DOC2A: variants seen among roughly 807,000 people sequenced by gnomAD.
DOC2A encodes the protein double C2-like domain-containing protein alpha.
Under a neutral mutation model 40.6 loss-of-function variants are expected in DOC2A, and 28 were observed. The observed-to-expected ratio is 0.69, with a 90% confidence interval of 0.51 to 0.95. The LOEUF is 0.95. DOC2A is among the 40% of genes least tolerant of loss of function. DOC2A has a pLI of 0.00. For missense variants in DOC2A, 474 were observed against 552.5 expected, an observed-to-expected ratio of 0.86 and a Z score of 1.42; for synonymous variants, 241 against 236.9, an observed-to-expected ratio of 1.02 and a Z score of -0.16.
upstream of DOC2A, among the ~76,000 whole-genome samples, chr16:30,022,444 G>T (rs1403680715): frequency 6.6e-6 from 1 of 151,942 alleles, no homozygotes; most frequent in African/African-American, 2.4e-5. Flanking sequence ...GCCGAAGCTG[G>T]AGGATCACCT....
intron 1 of DOC2A, among the ~76,000 whole-genome samples, chr16:30,017,914 C>T (rs1347237420): frequency 1.4e-5 from 2 of 148,092 alleles, no homozygotes; most frequent in African/African-American, 5.0e-5. Context: ...GAGCTGAGAT[C>T]GTGCCACTGC....
chr16:30,009,940 C>A lies in DOC2A; in HGVS notation c.262+21G>T, dbSNP rs2070728973. 1.2e-6 allele frequency: 2 copies of A among 1,609,078 alleles called. No individual in the cohort carries two copies. Among genetic ancestry groups the A allele is most frequent in the Non-Finnish European group, 8.5e-7 (1 of 1,179,506 alleles). ...TGGAGACCCCCACCAGCACATGGGG[C>A]CTCCAAGCCCCCAGACTCACTGGCA... On this transcript the variant is annotated intron_variant, in intron 2 of 10. Coordinates refer to ENST00000350119, the MANE Select transcript of DOC2A (RefSeq NM_003586.3). The surrounding 1 kb of genome is among the most constrained non-coding windows in gnomAD (Gnocchi z 4.1).
chr16:30,010,335 C>G lies in DOC2A; in HGVS notation c.-13-100G>C. 1.3e-6 allele frequency: 2 copies of G among 1,515,084 alleles called. No individual in the cohort carries two copies. The highest frequency in any genetic ancestry group is 1.8e-6 in the Non-Finnish European group (2 of 1,105,080). The allele number at this position is 1,515,084 out of a possible 1,614,324, so 93.9% of individuals were successfully genotyped here. The stretch of plus-strand genomic sequence containing the variant: ...CGGTCTGTGGGGCCCTCACTGGCCT[C>G]CCTTCCTAGGTGTCGAGGGAGAGGG... On this transcript the variant is annotated intron_variant, in intron 1 of 10. Coordinates refer to ENST00000350119, the MANE Select transcript of DOC2A (RefSeq NM_003586.3). The surrounding 1 kb of genome is among the most constrained non-coding windows in gnomAD (Gnocchi z 4.2).
In DOC2A at chr16:30,006,054, G is replaced by A; in HGVS notation, c.*132C>T. ...GCCCCTCATGAGCAGACAGACCCGG[G>A]TCACGGAGACTCACAAAAATAGGTA... On this transcript the variant is annotated 3_prime_UTR_variant, in exon 11 of 11. Transcript: ENST00000350119. This position sits in a 1 kb window ranked among gnomAD's most constrained non-coding sequence, Gnocchi z 6.2. 1 of 1,058,124 alleles carries A rather than the reference G, an allele frequency of 9.5e-7. No individual in the cohort carries two copies. The highest frequency in any genetic ancestry group is 1.3e-6 in the Non-Finnish European group (1 of 750,950). The allele number at this position is 1,058,124 out of a possible 1,614,324, so 65.5% of individuals were successfully genotyped here.
upstream of DOC2A, among the ~76,000 whole-genome samples, chr16:30,015,559 C>T (rs1354266824): frequency 6.6e-5 from 10 of 152,004 alleles, no homozygotes; most frequent in African/African-American, 2.4e-4. Context: ...TCAGGTGATC[C>T]GCCTGCCTCG....
In DOC2A at chr16:30,009,209, G is replaced by T. The variant is rs1215237040; in HGVS notation, c.410C>A (p.Ala137Asp). 1 of 1,592,340 alleles carries T rather than the reference G, an allele frequency of 6.3e-7. No homozygotes were observed. Among genetic ancestry groups the T allele is most frequent in the Non-Finnish European group, 8.6e-7 (1 of 1,168,236 alleles). ...PYVKLHLLPG[A>D]CKANKLKTKT... ...GCGAGAGGAGGCTGTTACCTTACAGGCTCCAGGCAGCAAGTGCAGCTTGAC... is the reference window on the plus strand; with the variant it reads ...GCGAGAGGAGGCTGTTACCTTACAGTCTCCAGGCAGCAAGTGCAGCTTGAC... Residue 137 changes from alanine (A) to aspartate (D), a missense_variant, in exon 4 of 11, where the codon GCC becomes GAC. Physicochemically the swap from Ala to Asp is moderately radical, Grantham distance 126. Transcript: ENST00000350119. The surrounding 1 kb of genome is among the most constrained non-coding windows in gnomAD (Gnocchi z 4.1).
At chr16:30,019,178 TGTG>T (rs1255886093) in intron 1 of DOC2A, among the ~76,000 whole-genome samples, 1 of 151,740 alleles carries the variant, frequency 6.6e-6, no homozygotes, top group African/African-American at 2.4e-5. Flanking sequence ...ATTAGCTGGG[TGTG>T]GTGGTGGGTG....
At position 30,008,988 on chromosome 16, in the gene DOC2A, G is replaced by A. The variant is rs1567281458; in HGVS notation, c.527+8C>T. ...CTGCTGCTGGGTGGTGGGGAGGGGG[G>A]CCCTCACCTGAGCACCTTGTGCGTG... On this transcript the variant is annotated splice_region_variant and intron_variant, in intron 5 of 10. Transcript: ENST00000350119. The A allele has an allele frequency of 1.3e-6, 2 of 1,594,856 alleles. No homozygotes were observed. The highest frequency in any genetic ancestry group is 2.2e-5 in the South Asian group (2 of 90,654).
chr16:30,006,873 G>A lies in DOC2A; in HGVS notation c.790C>T (p.Arg264Trp), dbSNP rs1411105634. 5.0e-6 allele frequency: 8 copies of A among 1,613,390 alleles called. No homozygotes were observed. The highest frequency in any genetic ancestry group is 6.8e-6 in the Non-Finnish European group (8 of 1,179,704). ...RILLSLSYSS[R>W]RRGLLVGILR... ...ATGCCTACCAGCAGTCCCCGGCGCCGCGAGCTGTAGCTGAGACTCAGCAGG... is the reference window on the plus strand; with the variant it reads ...ATGCCTACCAGCAGTCCCCGGCGCCACGAGCTGTAGCTGAGACTCAGCAGG... The change falls in exon 8 of 11, where the codon CGG becomes TGG. Residue 264 changes from arginine (R) to tryptophan (W), a missense_variant. Arg to Trp is a moderately radical substitution (Grantham distance 101). Transcript: ENST00000350119. The surrounding 1 kb of genome is among the most constrained non-coding windows in gnomAD (Gnocchi z 6.2).
intron 1 of DOC2A, among the ~76,000 whole-genome samples, chr16:30,019,419 A>G (rs754286831): frequency 5.9e-5 from 9 of 152,138 alleles, no homozygotes; most frequent in Non-Finnish European, 1.3e-4. Flanking sequence ...ATGCGCATCT[A>G]TGAGTTCTCT....
Position 30,005,981 on chromosome 16 carries a change from C to T in DOC2A, c.*205G>A. 1 of 634,072 alleles carries T rather than the reference C, an allele frequency of 1.6e-6. No individual in the cohort carries two copies. Among genetic ancestry groups the T allele is most frequent in the Non-Finnish European group, 2.7e-6 (1 of 370,286 alleles). 39.3% of individuals were successfully genotyped at this position (634,072 alleles called of 1,614,324 possible). ...TGGGGGGTTTGCATATTTGCAGGGA[C>T]TAGCGAGTCAGGCAGGAGGTTTGCA... On this transcript the variant is annotated 3_prime_UTR_variant, in exon 11 of 11. Transcript: ENST00000350119.
chr16:30,017,832 C>T (rs1403931765), intron 1 of DOC2A, among the ~76,000 whole-genome samples: 4 of 151,616 alleles, frequency 2.6e-5, no homozygotes, highest in Admixed American at 6.6e-5. Flanking sequence ...TGGTGGCATG[C>T]GTCTGTAATC....
chr16:30,005,653 GTTAT>G lies in DOC2A; in HGVS notation c.*529_*532del, dbSNP rs1413446292. The G allele has an allele frequency of 6.8e-6, 4 of 584,488 alleles. No homozygotes were observed. In the African/African-American group the frequency reaches 7.7e-5, roughly 11 times the overall value. The allele number at this position is 584,488 out of a possible 1,614,324, so 36.2% of individuals were successfully genotyped here. A position where few individuals can be genotyped will look rare whatever the true frequency, so the allele number is the denominator to read the frequency against. ...AAACCCCGGCCCCCTCCAGGGGACAGTTATTTAAACGAGTGGCCGGGAGCATCTG... is the reference window on the plus strand; with the variant it reads ...AAACCCCGGCCCCCTCCAGGGGACAGTTAAACGAGTGGCCGGGAGCATCTG... On this transcript the variant is annotated 3_prime_UTR_variant, in exon 11 of 11. Transcript: ENST00000350119.
chr16:30,010,090 C>T lies in DOC2A; in HGVS notation c.133G>A (p.Gly45Ser), dbSNP rs773327302. ...YFPRGPGPEG[G>S]GGGGGEAPAH... ...GGGGCCTCCCCGCCGCCCCCGCCGC[C>T]CCCTTCAGGTCCTGGTCCCCGGGGG... is the stretch of plus-strand genomic sequence containing the variant. Residue 45 changes from glycine (G) to serine (S), a missense_variant, in exon 2 of 11, where the codon GGC becomes AGC. Coordinates refer to ENST00000350119, the MANE Select transcript of DOC2A (RefSeq NM_003586.3). This position sits in a 1 kb window ranked among gnomAD's most constrained non-coding sequence, Gnocchi z 4.2. The T allele has an allele frequency of 1.9e-6, 3 of 1,612,792 alleles. No individual in the cohort carries two copies. The highest frequency in any genetic ancestry group is 8.5e-7 in the Non-Finnish European group (1 of 1,179,350).
rs1216613508 is a variant in DOC2A at position 30,010,937 on chromosome 16, A to G, written c.-48T>C. 1 of 1,009,576 alleles carries G rather than the reference A, an allele frequency of 9.9e-7. No homozygotes were observed. The highest frequency in any genetic ancestry group is 1.2e-6 in the Non-Finnish European group (1 of 844,430). 62.5% of individuals were successfully genotyped at this position (1,009,576 alleles called of 1,614,324 possible). ...CAACAGGTGCCCAGGCACTGGGGGG[A>G]CGGCGGGCGCAGGCTGGGCGGCGGC... On this transcript the variant is annotated 5_prime_UTR_variant, in exon 1 of 11. Coordinates refer to ENST00000350119, the MANE Select transcript of DOC2A (RefSeq NM_003586.3). This position sits in a 1 kb window ranked among gnomAD's most constrained non-coding sequence, Gnocchi z 4.2.
Position 30,006,234 on chromosome 16 carries a change from G to A in DOC2A, c.1155C>T (p.Thr385=), listed in dbSNP as rs1238922304. 1 of 1,593,166 alleles carries A rather than the reference G, an allele frequency of 6.3e-7. No homozygotes were observed. The highest frequency in any genetic ancestry group is 1.8e-5 in the Admixed American group (1 of 56,072). ...QPDAALERWH[T]LTSELPPAAG... ...CCGCAGGGGGCAGCTCACTGGTCAG[G>A]GTGTGCCAGCGCTCCAGGGCTGCGT... Residue 385 remains threonine, a synonymous_variant, in exon 11 of 11, where the codon ACC becomes ACT. Coordinates refer to ENST00000350119, the MANE Select transcript of DOC2A (RefSeq NM_003586.3). This position sits in a 1 kb window ranked among gnomAD's most constrained non-coding sequence, Gnocchi z 6.2.
chr16:30,006,164 G>C lies in DOC2A; in HGVS notation c.*22C>G, dbSNP rs765708344. ...GTACTGGACCCGGCTCGATGGGCCTGTGCCGGGACACTGCTGTCCACTCAG... is the reference window on the plus strand; with the variant it reads ...GTACTGGACCCGGCTCGATGGGCCTCTGCCGGGACACTGCTGTCCACTCAG... On this transcript the variant is annotated 3_prime_UTR_variant, in exon 11 of 11. Transcript: ENST00000350119. This position sits in a 1 kb window ranked among gnomAD's most constrained non-coding sequence, Gnocchi z 6.2. The C allele has an allele frequency of 7.7e-6, 12 of 1,564,314 alleles. 1 individual carries two copies. The South Asian group carries it at 1.4e-4, about 18-fold the overall frequency.
Position 30,009,993 on chromosome 16 carries a change from G to A in DOC2A, c.230C>T (p.Ala77Val), listed in dbSNP as rs546020288. The change falls in exon 2 of 11, where the codon GCG becomes GTG. Residue 77 changes from alanine to valine, a missense_variant. Coordinates refer to ENST00000350119, the MANE Select transcript of DOC2A (RefSeq NM_003586.3). This position sits in a 1 kb window ranked among gnomAD's most constrained non-coding sequence, Gnocchi z 4.1. ...ATCCGAGTCATAGCTGTCCACCTCC[G>A]CACCATCCTCAGGCGTGGTGGCCCC... ...LLGATTPEDGAEVDSYDSDDA... is the reference protein window; with the variant it reads ...LLGATTPEDGVEVDSYDSDDA... 526 of 1,611,788 alleles carry A rather than the reference G, an allele frequency of 3.3e-4. 8 individuals carry two copies. In the South Asian group the frequency reaches 5.5e-3, roughly 17 times the overall value.
rs375598910 is a variant in DOC2A, at chr16:30,006,684, G to T, written c.879-7C>A. ...CACATCGGGCCTCAGGTACCTGGGGGTGGGGTGGAGGGAGACGAACTGAGG... is the reference window on the plus strand; with the variant it reads ...CACATCGGGCCTCAGGTACCTGGGGTTGGGGTGGAGGGAGACGAACTGAGG... On this transcript the variant is annotated splice_region_variant and splice_polypyrimidine_tract_variant and intron_variant, in intron 8 of 10. Coordinates refer to ENST00000350119, the MANE Select transcript of DOC2A (RefSeq NM_003586.3). This position sits in a 1 kb window ranked among gnomAD's most constrained non-coding sequence, Gnocchi z 6.2. The T allele has an allele frequency of 1.9e-6, 3 of 1,613,662 alleles. No individual in the cohort carries two copies. The highest frequency in any genetic ancestry group is 2.5e-6 in the Non-Finnish European group (3 of 1,179,950).
Sources: allele counts gnomAD v4.1 joint callset (sites outside exome capture counted in the v4.1 genomes callset), GRCh38; gene constraint gnomAD v4.1.1; non-coding constraint Gnocchi (gnomAD v3.1); transcripts MANE v1.5; gene names NCBI Gene and HGNC (gene_info 2026-07-23, HGNC 2026-07-21).